The following RNF150 variants were observed in gnomAD, a reference collection of about 807,000 sequenced individuals.
The protein encoded by RNF150 is ring finger protein 150.
A neutral mutation model predicts 39.3 loss-of-function variants in RNF150; 24 were observed. That is an observed-to-expected ratio of 0.61 (90% confidence interval 0.44 to 0.86). The LOEUF is 0.86. Among genes scored for constraint, RNF150 ranks in the 40% least tolerant of loss-of-function variants. RNF150 has a pLI of 0.00. For missense variants in RNF150, 502 were observed against 587.8 expected, an observed-to-expected ratio of 0.85 and a Z score of 1.51; for synonymous variants, 255 against 227.3, an observed-to-expected ratio of 1.12 and a Z score of -1.10.
chr4:140,957,380 T>A (rs1325706408), intron 2 of RNF150, among the ~76,000 whole-genome samples: 3 of 151,908 alleles, frequency 2.0e-5, no homozygotes, highest in African/African-American at 7.2e-5. Context: ...AGAATGGTGA[T>A]CATTAAAAAG....
chr4:141,012,444 A>G (rs1347378393), intron 1 of RNF150, among the ~76,000 whole-genome samples: 2 of 152,242 alleles, frequency 1.3e-5, no homozygotes, highest in Admixed American at 6.5e-5. Flanking sequence ...TTATCAACTC[A>G]GCAAAATGTA....
intron 2 of RNF150, among the ~76,000 whole-genome samples, chr4:140,955,940 T>C (rs966353955): frequency 2.0e-5 from 3 of 152,212 alleles, no homozygotes; most frequent in African/African-American, 4.8e-5. Flanking sequence ...AAAGTTATTC[T>C]CAGGGAGAGA....
Position 141,132,343 on chromosome 4 carries a change from T to C in RNF150, c.466A>G (p.Ile156Val), listed in dbSNP as rs1354227305. Residue 156 changes from isoleucine (I) to valine (V), a missense_variant, in exon 1 of 7, where the codon ATC becomes GTC. Coordinates refer to ENST00000515673, the MANE Select transcript of RNF150 (RefSeq NM_020724.2). The surrounding 1 kb of genome is among the most constrained non-coding windows in gnomAD (Gnocchi z 4.9). ...CACTCACCCGCGTGGGGCATGGTGA[T>C]GGTCTCGTTGGTGTTGGAGCCCACG... ...FNVGSNTNET[I>V]TMPHAGVEDI... 4.4e-6 allele frequency: 7 copies of C among 1,585,576 alleles called. No individual in the cohort carries two copies. The highest frequency in any genetic ancestry group is 6.0e-6 in the Non-Finnish European group (7 of 1,166,260).
chr4:141,116,232 C>T (rs1452861168), intron 1 of RNF150, among the ~76,000 whole-genome samples: 3 of 152,146 alleles, frequency 2.0e-5, no homozygotes, highest in African/African-American at 7.2e-5. Context: ...AAAATTTTTG[C>T]AATCTATCCA....
intron 1 of RNF150, among the ~76,000 whole-genome samples, chr4:140,970,248 A>T (rs1733411671): frequency 6.6e-6 from 1 of 152,218 alleles, no homozygotes; most frequent in Admixed American, 6.5e-5. Flanking sequence ...TCGATTTAAT[A>T]ACAATATTTA....
chr4:141,113,788 A>G (rs1403675230), intron 1 of RNF150, among the ~76,000 whole-genome samples: 1 of 152,212 alleles, frequency 6.6e-6, no homozygotes, highest in Non-Finnish European at 1.5e-5. Context: ...TCCTCAGCAA[A>G]TGCAAAAGAA....
chr4:140,987,396 C>G (rs561845110), intron 1 of RNF150, among the ~76,000 whole-genome samples: 1 of 151,984 alleles, frequency 6.6e-6, no homozygotes, highest in South Asian at 2.1e-4. Flanking sequence ...CCAAACTGTA[C>G]AAAAACTGGT....
intron 1 of RNF150, among the ~76,000 whole-genome samples, chr4:140,997,699 T>TATATACACAC (rs1579038733): frequency 6.9e-6 from 1 of 145,048 alleles, no homozygotes; most frequent in East Asian, 1.9e-4. Flanking sequence ...TGTGTGTGTA[T>TATATACACAC]ATATACACAC....
At chr4:140,884,453 C>T (rs1033289419) in intron 6 of RNF150, among the ~76,000 whole-genome samples, 1 of 152,176 alleles carries the variant, frequency 6.6e-6, no homozygotes, top group Non-Finnish European at 1.5e-5. Flanking sequence ...AGGTAGTTCG[C>T]CAACCAGCCC....
chr4:140,957,981 C>A (rs1021470558), intron 2 of RNF150, among the ~76,000 whole-genome samples: 1 of 151,684 alleles, frequency 6.6e-6, no homozygotes, highest in African/African-American at 2.4e-5. Context: ...CAGCATGGCA[C>A]ATGTATACAT....
chr4:141,041,638 A>C (rs56226471), intron 1 of RNF150, among the ~76,000 whole-genome samples: 66,133 of 151,932 alleles, frequency 0.44, 16,080 homozygotes, highest in Non-Finnish European at 0.56. Flanking sequence ...TTGCCTAAAA[A>C]AGGTCTACAG....
chr4:141,122,804 T>C lies in RNF150; in HGVS notation c.484+9521A>G, dbSNP rs193256473. Among the ~76,000 whole-genome samples the C allele has an allele frequency of 7.2e-5, 11 of 152,358 alleles. No individual in the cohort carries two copies. The East Asian group carries it at 1.3e-3, about 19-fold the overall frequency. The stretch of plus-strand genomic sequence containing the variant: ...ATTAGAGTGTGGATGGTTCTTACTA[T>C]CTCTTTTTAAATGTTCTATATTTTC... On this transcript the variant is annotated intron_variant, in intron 1 of 6. Coordinates refer to ENST00000515673, the MANE Select transcript of RNF150 (RefSeq NM_020724.2).
chr4:140,997,545 C>A (rs943345428), intron 1 of RNF150, among the ~76,000 whole-genome samples: 1 of 152,058 alleles, frequency 6.6e-6, no homozygotes, highest in South Asian at 2.1e-4. Flanking sequence ...ATGAGCAAAT[C>A]CAACACTTAA....
intron 2 of RNF150, among the ~76,000 whole-genome samples, chr4:140,958,971 T>G (rs1248889850): frequency 6.6e-6 from 1 of 152,194 alleles, no homozygotes; most frequent in African/African-American, 2.4e-5. Flanking sequence ...CTTCTACCAG[T>G]GCCCTGCTAT....
chr4:140,930,078 T>G (rs1244958761), intron 4 of RNF150, among the ~76,000 whole-genome samples: 1 of 152,120 alleles, frequency 6.6e-6, no homozygotes, highest in Non-Finnish European at 1.5e-5. Flanking sequence ...GGAGAATTGC[T>G]TGAACCTGGG....
At chr4:141,066,056 C>T (rs931764359) in intron 1 of RNF150, among the ~76,000 whole-genome samples, 18 of 151,878 alleles carry the variant, frequency 1.2e-4, no homozygotes, top group African/African-American at 4.4e-4. Context: ...GTCTTCTAAC[C>T]CTTCGCCCTC....
At chr4:141,092,068 G>A (rs1057382963) in intron 1 of RNF150, among the ~76,000 whole-genome samples, 6 of 152,206 alleles carry the variant, frequency 3.9e-5, no homozygotes, top group Non-Finnish European at 7.3e-5. Flanking sequence ...ATCTGGCCAG[G>A]TGCAGTGGCT....
intron 1 of RNF150, among the ~76,000 whole-genome samples, chr4:141,148,654 T>C (rs2111136847): frequency 6.6e-6 from 1 of 152,316 alleles, no homozygotes; most frequent in South Asian, 2.1e-4. Flanking sequence ...TTGGACAGGC[T>C]GATCTCAAAC....
chr4:141,121,126 C>T (rs1460914772), intron 1 of RNF150, among the ~76,000 whole-genome samples: 1 of 152,114 alleles, frequency 6.6e-6, no homozygotes, highest in African/African-American at 2.4e-5. Flanking sequence ...AGAGGTCACA[C>T]ACAACATCTA....
Sources: gnomAD v4.1 joint callset for allele counts (sites outside exome capture counted in the v4.1 genomes callset) on GRCh38, gnomAD v4.1.1 for gene constraint, Gnocchi (gnomAD v3.1) non-coding constraint, MANE v1.5 for transcripts, NCBI Gene and HGNC (gene_info 2026-07-23, HGNC 2026-07-21) for gene names.